The following PCMTD1 variants were observed in gnomAD, a reference collection of about 807,000 sequenced individuals.
PCMTD1 encodes protein-L-isoaspartate O-methyltransferase domain-containing protein 1.
PCMTD1 carries 12 observed loss-of-function variants against 37.6 expected under a neutral mutation model. That is an observed-to-expected ratio of 0.32 (90% confidence interval 0.20 to 0.52). The LOEUF (loss-of-function observed/expected upper bound fraction) is 0.52, where lower values mean the gene tolerates loss of function less well. Ranked by LOEUF, PCMTD1 falls within the 20% of genes least tolerant of loss-of-function variation. The pLI, the probability that PCMTD1 is intolerant of heterozygous loss-of-function variation, is 0.97. For synonymous variants in PCMTD1, 117 were observed against 135.8 expected (o/e 0.86, Z 0.96); for missense variants, 235 against 421.3 (o/e 0.56, Z 3.87).
At chr8:51,861,273 G>T in intron 1 of PCMTD1, 27 bp from the exon 2 acceptor site, 8 of 1,384,200 alleles carry the variant, frequency 5.8e-6, no homozygotes, top group South Asian at 3.5e-5. Context: ...AAAATAAACA[G>T]GTTTAAATTA....
intron 2 of PCMTD1, among the ~76,000 whole-genome samples, chr8:51,847,062 T>C (rs2038232647): frequency 6.6e-6 from 1 of 152,230 alleles, no homozygotes; most frequent in Non-Finnish European, 1.5e-5. Context: ...TTTTTGCTTG[T>C]TTCCTTCCTT....
At chr8:51,855,032 G>A (rs916559017) in intron 2 of PCMTD1, among the ~76,000 whole-genome samples, 1 of 151,674 alleles carries the variant, frequency 6.6e-6, no homozygotes, top group African/African-American at 2.4e-5. Context: ...AAATTAGCCA[G>A]GCGTGGTGGC....
chr8:51,892,972 T>C (rs551356992), intron 1 of PCMTD1, among the ~76,000 whole-genome samples: 1 of 152,366 alleles, frequency 6.6e-6, no homozygotes, highest in Non-Finnish European at 1.5e-5. Context: ...ACTTAAAATT[T>C]GCAACATGTG....
At chr8:51,826,699 T>A (rs1427166192) in intron 5 of PCMTD1, among the ~76,000 whole-genome samples, 1 of 152,024 alleles carries the variant, frequency 6.6e-6, no homozygotes, top group Non-Finnish European at 1.5e-5. Context: ...TTGAACCATA[T>A]AAAACTAATG....
At position 51,818,974 on chromosome 8, in the gene PCMTD1, A is replaced by T. The variant is rs927811174; in HGVS notation, c.*1377T>A. 8 of 152,234 alleles carry T rather than the reference A, an allele frequency of 5.3e-5. No individual in the cohort carries two copies. Among genetic ancestry groups the T allele is most frequent in the African/African-American group, 1.9e-4 (8 of 41,456 alleles). 9.4% of individuals were successfully genotyped at this position (152,234 alleles called of 1,614,324 possible). ...AAATTTTTCCCTTTAAGAAATATATAATCCATGTAACTCTAGCAAATATGT... is the reference window on the plus strand; with the variant it reads ...AAATTTTTCCCTTTAAGAAATATATTATCCATGTAACTCTAGCAAATATGT... On this transcript the variant is annotated 3_prime_UTR_variant, in exon 6 of 6. Transcript: ENST00000522514.
At position 51,884,672 on chromosome 8, in the gene PCMTD1, C is replaced by T. The variant is rs568130486; in HGVS notation, c.-96+14258G>A. ...CAATGCTTGGCAGGCTTCCCCAGCA[C>T]GAGGATGCTGCAGTGCAGGACAATA... On this transcript the variant is annotated intron_variant, in intron 1 of 5. Coordinates refer to ENST00000522514, the MANE Select transcript of PCMTD1 (RefSeq NM_052937.4). Among the ~76,000 whole-genome samples the T allele has an allele frequency of 6.6e-5, 10 of 152,308 alleles. No homozygotes were observed. The South Asian group carries it at 1.0e-3, about 16-fold the overall frequency.
chr8:51,888,784 T>C (rs906350704), intron 1 of PCMTD1, among the ~76,000 whole-genome samples: 7 of 152,200 alleles, frequency 4.6e-5, no homozygotes, highest in Non-Finnish European at 7.4e-5. Flanking sequence ...AGTCTTTATA[T>C]AGTGTATTAG....
chr8:51,877,043 A>T (rs1360126559), intron 1 of PCMTD1, among the ~76,000 whole-genome samples: 2 of 152,254 alleles, frequency 1.3e-5, no homozygotes, highest in Non-Finnish European at 2.9e-5. Context: ...TGAAGTAGTC[A>T]AAACTAACTT....
intron 5 of PCMTD1, among the ~76,000 whole-genome samples, chr8:51,831,220 C>T (rs1240128989): frequency 6.6e-6 from 1 of 151,806 alleles, no homozygotes; most frequent in Non-Finnish European, 1.5e-5. Context: ...ATCGCTTGAA[C>T]CCAGGAGGCA....
chr8:51,838,816 AAAAT>A (rs2038103870), intron 3 of PCMTD1, among the ~76,000 whole-genome samples: 1 of 152,190 alleles, frequency 6.6e-6, no homozygotes, highest in African/African-American at 2.4e-5. Context: ...AGTTTATCAC[AAAAT>A]AATACTACAC....
intron 1 of PCMTD1, among the ~76,000 whole-genome samples, chr8:51,892,809 G>A (rs1244143513): frequency 1.3e-5 from 2 of 152,020 alleles, no homozygotes; most frequent in Non-Finnish European, 2.9e-5. Context: ...CTTTATGTAA[G>A]TGGAAAGAAA....
At chr8:51,845,365 G>T in intron 3 of PCMTD1, 1 of 244,636 alleles carries the variant, frequency 4.1e-6, no homozygotes, top group East Asian at 8.7e-5. Flanking sequence ...GACAAATATT[G>T]CAATCACAGC....
intron 1 of PCMTD1, among the ~76,000 whole-genome samples, chr8:51,866,405 G>A (rs1281055497): frequency 1.3e-5 from 2 of 151,928 alleles, no homozygotes. Context: ...AATCAAAGCA[G>A]CATGGTACTG....
chr8:51,873,331 G>A (rs912633428), intron 1 of PCMTD1, among the ~76,000 whole-genome samples: 12 of 152,002 alleles, frequency 7.9e-5, no homozygotes, highest in African/African-American at 2.7e-4. Flanking sequence ...AATATTGTAA[G>A]AAGAAACCAT....
intron 3 of PCMTD1, among the ~76,000 whole-genome samples, chr8:51,844,102 G>C (rs774023881): frequency 1.3e-5 from 2 of 152,062 alleles, no homozygotes; most frequent in Non-Finnish European, 2.9e-5. Context: ...TGCATCTTAA[G>C]CACTTACCAT....
upstream of PCMTD1, chr8:51,899,116 A>C: frequency 1.4e-6 from 2 of 1,437,218 alleles, no homozygotes. Flanking sequence ...GGGCATGCGC[A>C]GAGAACCACG....
intron 5 of PCMTD1, among the ~76,000 whole-genome samples, chr8:51,829,596 C>G (rs1001275855): frequency 3.3e-5 from 5 of 152,022 alleles, no homozygotes; most frequent in Non-Finnish European, 7.4e-5. Context: ...GGTTGTGAAA[C>G]CCGGTCTCTA....
chr8:51,824,047 C>G (rs2037886051), intron 5 of PCMTD1, among the ~76,000 whole-genome samples: 2 of 152,106 alleles, frequency 1.3e-5, no homozygotes, highest in Non-Finnish European at 2.9e-5. Context: ...GAACGTATCT[C>G]AAAATAATAA....
intron 1 of PCMTD1, among the ~76,000 whole-genome samples, chr8:51,870,789 A>C (rs375485224): frequency 1.3e-5 from 2 of 152,198 alleles, no homozygotes; most frequent in African/African-American, 4.8e-5. Flanking sequence ...AGCTGAAAAG[A>C]TGTTCAATTC....
Sources: allele counts gnomAD v4.1 joint callset (sites outside exome capture counted in the v4.1 genomes callset), GRCh38; gene constraint gnomAD v4.1.1; transcripts MANE v1.5; gene names NCBI Gene and HGNC (gene_info 2026-07-23, HGNC 2026-07-21).